Variants in KIF5C observed in about 807,000 individuals in gnomAD.
The protein encoded by KIF5C is kinesin family member 5C, also known as kinesin heavy chain isoform 5C.
KIF5C carries 18 observed loss-of-function variants against 125.2 expected under a neutral mutation model. The ratio of observed to expected loss-of-function variants is 0.14; its 90% CI spans 0.10 to 0.21. The LOEUF (loss-of-function observed/expected upper bound fraction) is 0.21. Ranked by LOEUF, KIF5C falls within the 10% of genes least tolerant of loss-of-function variation. The pLI is 1.00. For missense variants in KIF5C, 780 were observed against 1,183.8 expected (o/e 0.66, Z 5.01); for synonymous variants, 405 against 434.0 (o/e 0.93, Z 0.83).
intron 1 of KIF5C, among the ~76,000 whole-genome samples, chr2:148,914,760 G>C (rs545717599): frequency 6.6e-6 from 1 of 152,360 alleles, no homozygotes; most frequent in East Asian, 1.9e-4. Flanking sequence ...GTGTGGGGAG[G>C]GGGAGGGCAA....
At chr2:148,919,984 T>C (rs1435949943) in intron 1 of KIF5C, among the ~76,000 whole-genome samples, 1 of 152,252 alleles carries the variant, frequency 6.6e-6, no homozygotes, top group Non-Finnish European at 1.5e-5. Flanking sequence ...TGTCATTTGA[T>C]AAATTATGTT....
intron 3 of KIF5C, among the ~76,000 whole-genome samples, chr2:148,930,945 C>T (rs1682168875): frequency 6.6e-6 from 1 of 152,132 alleles, no homozygotes; most frequent in Non-Finnish European, 1.5e-5. Flanking sequence ...TTACTAGGCC[C>T]CCGACTCTTG....
chr2:148,996,807 A>G (rs557281919), intron 17 of KIF5C, among the ~76,000 whole-genome samples: 2 of 152,300 alleles, frequency 1.3e-5, no homozygotes, highest in South Asian at 2.1e-4. Context: ...ACGCCTACCC[A>G]TGGGAGGTAA....
At chr2:148,875,862 T>C in intron 1 of KIF5C, 119 bp downstream of exon 1, 1 of 1,393,366 alleles carries the variant, frequency 7.2e-7, no homozygotes, top group Non-Finnish European at 9.6e-7. Flanking sequence ...GGGGCTGGCC[T>C]CTCGGGTGGA....
intron 2 of KIF5C, among the ~76,000 whole-genome samples, chr2:148,926,268 A>C (rs1681991042): frequency 1.3e-5 from 2 of 152,190 alleles, no homozygotes; most frequent in Non-Finnish European, 2.9e-5. Flanking sequence ...GGCTCTGGGC[A>C]CCTGCAGTGG....
chr2:148,959,040 T>C (rs929451180), intron 10 of KIF5C, among the ~76,000 whole-genome samples: 2 of 152,172 alleles, frequency 1.3e-5, no homozygotes, highest in South Asian at 4.1e-4. Flanking sequence ...CTATATTTTC[T>C]GTGGAAGCTT....
intron 11 of KIF5C, among the ~76,000 whole-genome samples, chr2:148,965,750 A>C (rs887545807): frequency 2.6e-5 from 4 of 152,208 alleles, no homozygotes; most frequent in African/African-American, 4.8e-5. Context: ...CAAGTGGATC[A>C]GTCTCTGGTA....
At chr2:148,944,811 C>T (rs932278500) in intron 7 of KIF5C, among the ~76,000 whole-genome samples, 1 of 152,092 alleles carries the variant, frequency 6.6e-6, no homozygotes, top group African/African-American at 2.4e-5. Context: ...ATCCTTGCCA[C>T]TTGTTATTGT....
At chr2:149,015,736 G>T (rs1322772712) in intron 25 of KIF5C, among the ~76,000 whole-genome samples, 1 of 152,358 alleles carries the variant, frequency 6.6e-6, no homozygotes, top group South Asian at 2.1e-4. Context: ...ATATGGGGCA[G>T]TGCAGTGCAA....
intron 11 of KIF5C, among the ~76,000 whole-genome samples, chr2:148,970,555 T>C (rs891725578): frequency 6.6e-6 from 1 of 152,228 alleles, no homozygotes; most frequent in African/African-American, 2.4e-5. Context: ...CATCCTGCCA[T>C]AGCACTGGAG....
intron 3 of KIF5C, chr2:148,935,135 G>C (rs758007773): frequency 8.7e-6 from 3 of 343,094 alleles, no homozygotes; most frequent in African/African-American, 2.2e-5. Context: ...ATTTTAGGGT[G>C]AGGACTTCAG....
In KIF5C at chr2:148,940,177, G is replaced by T. The variant is rs369803462; in HGVS notation, c.397-1433G>T. Among the ~76,000 whole-genome samples, 10 of 152,336 alleles carry T rather than the reference G, an allele frequency of 6.6e-5. No individual in the cohort carries two copies. The East Asian group carries it at 1.7e-3, about 26-fold the overall frequency. On this transcript the variant is annotated intron_variant, in intron 4 of 25. Transcript: ENST00000435030. ...GCGCTGAACCAGGGTGGAGTTGGCT[G>T]CAGGAAGGACTGGGTTAGAGATGTC...
chr2:148,928,737 T>C (rs1682096475), intron 2 of KIF5C, among the ~76,000 whole-genome samples: 1 of 152,184 alleles, frequency 6.6e-6, no homozygotes, highest in African/African-American at 2.4e-5. Context: ...TGGATTGTCA[T>C]CCTGAGGCTC....
intron 17 of KIF5C, among the ~76,000 whole-genome samples, chr2:148,994,796 G>A (rs954579237): frequency 1.3e-5 from 2 of 151,550 alleles, no homozygotes; most frequent in African/African-American, 2.4e-5. Flanking sequence ...TCCGCTTCCC[G>A]GTTCCAGCGA....
rs1175218226 is a variant in KIF5C at position 148,945,953 on chromosome 2, CT to C, written c.590-943del. Among the ~76,000 whole-genome samples, 21 of 152,210 alleles carry C rather than the reference CT, an allele frequency of 1.4e-4. 1 individual carries two copies. The East Asian group carries it at 4.1e-3, about 29-fold the overall frequency. On this transcript the variant is annotated intron_variant, in intron 7 of 25. Transcript: ENST00000435030. ...TGATATTAAGTCTTTCAATCAATCC[CT>C]TTATTTGTGTCTTCTTTCATATCTT... is the stretch of plus-strand genomic sequence containing the variant.
intron 7 of KIF5C, among the ~76,000 whole-genome samples, chr2:148,943,924 C>A (rs1682465526): frequency 6.6e-6 from 1 of 152,102 alleles, no homozygotes; most frequent in Non-Finnish European, 1.5e-5. Flanking sequence ...GGTCAAGCTC[C>A]ACTTCTTTTT....
At chr2:148,900,916 A>T (rs758587586) in intron 1 of KIF5C, among the ~76,000 whole-genome samples, 1 of 152,144 alleles carries the variant, frequency 6.6e-6, no homozygotes, top group Non-Finnish European at 1.5e-5. Context: ...CTTCATAGAG[A>T]ATAGCTCATG....
At chr2:148,916,718 T>A (rs1272914254) in intron 1 of KIF5C, among the ~76,000 whole-genome samples, 5 of 152,140 alleles carry the variant, frequency 3.3e-5, no homozygotes, top group Non-Finnish European at 7.4e-5. Flanking sequence ...TAATTTTGTA[T>A]TTGAAAATAA....
intron 1 of KIF5C, among the ~76,000 whole-genome samples, chr2:148,914,228 G>A (rs1382187265): frequency 6.6e-6 from 1 of 152,218 alleles, no homozygotes; most frequent in Non-Finnish European, 1.5e-5. Context: ...GTAGGTAAGG[G>A]TACACAGCAA....
Sources: allele counts gnomAD v4.1 joint callset (sites outside exome capture counted in the v4.1 genomes callset), GRCh38; gene constraint gnomAD v4.1.1; transcripts MANE v1.5; gene names NCBI Gene and HGNC (gene_info 2026-07-23, HGNC 2026-07-21).